The following ZNF415 variants were observed in gnomAD, a reference collection of about 807,000 sequenced individuals.
ZNF415 encodes zinc finger protein 415.
ZNF415 carries 5 observed loss-of-function variants against 7.3 expected under a neutral mutation model. The ratio of observed to expected loss-of-function variants is 0.69; its 90% CI spans 0.36 to 1.44. ZNF415 has a LOEUF of 1.44. Among genes scored for constraint, ZNF415 ranks in the 40% most tolerant of loss-of-function variants. ZNF415 has a pLI of 0.04. For missense variants in ZNF415, 628 were observed against 664.8 expected, an observed-to-expected ratio of 0.94 and a Z score of 0.61; for synonymous variants, 207 against 226.3, an observed-to-expected ratio of 0.91 and a Z score of 0.77.
At chr19:53,116,946 T>G (rs1371626789) in intron 2 of ZNF415, among the ~76,000 whole-genome samples, 3 of 152,172 alleles carry the variant, frequency 2.0e-5, no homozygotes, top group Admixed American at 6.5e-5. Context: ...GACCAAATAT[T>G]TGAATTTTTG....
In ZNF415 at chr19:53,108,173, C is replaced by T. The variant is rs2085663763; in HGVS notation, c.*204G>A. The T allele has an allele frequency of 1.7e-6, 1 of 593,372 alleles. No individual in the cohort carries two copies. Among genetic ancestry groups the T allele is most frequent in the Non-Finnish European group, 2.9e-6 (1 of 345,476 alleles). 36.8% of individuals were successfully genotyped at this position (593,372 alleles called of 1,614,324 possible). A position where few individuals can be genotyped will look rare whatever the true frequency, so the allele number is the denominator to read the frequency against. ...ATATGATTTCTCTTTAGCATGGACT[C>T]TGATGTCAATGAATGCTTGAACTTG... On this transcript the variant is annotated 3_prime_UTR_variant, in exon 4 of 4. Transcript: ENST00000243643.
intron 1 of ZNF415, among the ~76,000 whole-genome samples, chr19:53,127,976 C>T (rs112506309): frequency 1.8e-4 from 27 of 152,262 alleles, no homozygotes; most frequent in African/African-American, 6.3e-4. Context: ...CCATGTGCTA[C>T]AGCCAGACCT....
At chr19:53,122,310 CTA>C (rs758147701) in intron 2 of ZNF415, 55 of 1,267,834 alleles carry the variant, frequency 4.3e-5, no homozygotes, top group Non-Finnish European at 5.6e-5. Flanking sequence ...GGCAGCTTCT[CTA>C]TTCCTGGGCT....
At chr19:53,131,586 T>C (rs1340229137) in intron 1 of ZNF415, among the ~76,000 whole-genome samples, 6 of 152,014 alleles carry the variant, frequency 3.9e-5, no homozygotes, top group African/African-American at 1.2e-4. Flanking sequence ...CATTCTCACC[T>C]TCTTTCTCTA....
intron 1 of ZNF415, among the ~76,000 whole-genome samples, chr19:53,130,792 C>G (rs962721305): frequency 6.6e-6 from 1 of 151,946 alleles, no homozygotes; most frequent in Non-Finnish European, 1.5e-5. Context: ...ATTACAGATG[C>G]GTGTCACCAT....
Position 53,109,286 on chromosome 19 carries a change from A to G in ZNF415, c.759T>C (p.Phe253=), listed in dbSNP as rs2085865636. ...GACGCGCAAGGTTTGATTTTTGACT[A>G]AAGACCTTGCCACACAGATCACATT... ...GYKCDLCGKV[F]SQKSNLARHW... is the part of the protein sequence containing the mutation. Residue 253 remains phenylalanine (F), a synonymous_variant, in exon 4 of 4, where the codon TTT becomes TTC. Coordinates refer to ENST00000243643, the MANE Select transcript of ZNF415 (RefSeq NM_018355.4). 3 of 1,614,152 alleles carry G rather than the reference A, an allele frequency of 1.9e-6. No homozygotes were observed. Among genetic ancestry groups the G allele is most frequent in the Non-Finnish European group, 2.5e-6 (3 of 1,180,016 alleles).
intron 1 of ZNF415, among the ~76,000 whole-genome samples, chr19:53,123,265 G>A (rs530127819): frequency 6.6e-6 from 1 of 152,164 alleles, no homozygotes; most frequent in East Asian, 1.9e-4. Context: ...ACTCACATGT[G>A]GTCAGCCCAG....
chr19:53,124,550 A>G (rs1432327473), intron 1 of ZNF415, among the ~76,000 whole-genome samples: 1 of 152,172 alleles, frequency 6.6e-6, no homozygotes, highest in African/African-American at 2.4e-5. Context: ...TGGAAATCAC[A>G]TTTCAACATG....
At chr19:53,123,991 AC>A (rs2088593986) in intron 1 of ZNF415, 1 of 154,184 alleles carries the variant, frequency 6.5e-6, no homozygotes, top group Admixed American at 6.5e-5. Flanking sequence ...TAATCCCACC[AC>A]TTTGGGAGGC....
chr19:53,124,641 A>G (rs1463247094), intron 1 of ZNF415, among the ~76,000 whole-genome samples: 2 of 152,114 alleles, frequency 1.3e-5, no homozygotes, highest in African/African-American at 4.8e-5. Flanking sequence ...GTGGTACACA[A>G]TTGGAGGGTT....
chr19:53,113,472 A>C (rs1479105760), intron 3 of ZNF415, among the ~76,000 whole-genome samples: 1 of 22,592 alleles, frequency 4.4e-5, no homozygotes, highest in Non-Finnish European at 7.9e-5. Context: ...GCGCCACTGC[A>C]CTCCAGCCTG....
rs570341196 is a variant in ZNF415, at chr19:53,126,546, A to G, written c.-67-3803T>C. Among the ~76,000 whole-genome samples the G allele has an allele frequency of 3.1e-4, 42 of 136,598 alleles. 2 individuals carry two copies. The highest frequency in any genetic ancestry group is 1.1e-3 in the African/African-American group (42 of 39,936). 89.6% of individuals were successfully genotyped at this position (136,598 alleles called of 152,430 possible). ...GTGAGAGTCTGAACAGAGCAGCAGAAAGGCAGGCAGGAGACTTGAGGGAGG... is the reference window on the plus strand; with the variant it reads ...GTGAGAGTCTGAACAGAGCAGCAGAGAGGCAGGCAGGAGACTTGAGGGAGG... On this transcript the variant is annotated intron_variant, in intron 1 of 3. Transcript: ENST00000243643.
In ZNF415 at chr19:53,116,009, C is replaced by A. The variant is rs886186515; in HGVS notation, c.136+304G>T. ...CTGTAATATGCAAATATCTAGCTCC[C>A]TTCCAAGAACTACTGAATCAAAGCA... On this transcript the variant is annotated intron_variant, in intron 3 of 3. Coordinates refer to ENST00000243643, the MANE Select transcript of ZNF415 (RefSeq NM_018355.4). The A allele has an allele frequency of 4.9e-6, 3 of 614,264 alleles. No homozygotes were observed. The East Asian group carries it at 8.2e-5, about 17-fold the overall frequency. The allele number at this position is 614,264 out of a possible 1,614,324, so 38.1% of individuals were successfully genotyped here.
chr19:53,131,910 G>C (rs1408271755), intron 1 of ZNF415, among the ~76,000 whole-genome samples: 2 of 151,690 alleles, frequency 1.3e-5, no homozygotes, highest in East Asian at 3.9e-4. Flanking sequence ...GCTTCTCCTT[G>C]TCATCGGCTG....
At chr19:53,124,547 C>CCA (rs1335568991) in intron 1 of ZNF415, among the ~76,000 whole-genome samples, 1 of 152,158 alleles carries the variant, frequency 6.6e-6, no homozygotes. Flanking sequence ...CTTTGGAAAT[C>CCA]ACATTTCAAC....
intron 3 of ZNF415, among the ~76,000 whole-genome samples, chr19:53,113,105 A>AT (rs765651844): frequency 6.6e-6 from 1 of 150,660 alleles, no homozygotes; most frequent in Non-Finnish European, 1.5e-5. Context: ...AAAAAGTATC[A>AT]TAAAAAATAC....
chr19:53,108,668 C>T lies in ZNF415; in HGVS notation c.1377G>A (p.Gln459=), dbSNP rs201805879. The T allele has an allele frequency of 2.3e-5, 37 of 1,614,182 alleles. No individual in the cohort carries two copies. The highest frequency in any genetic ancestry group is 5.0e-5 in the Admixed American group (3 of 60,018). Residue 459 remains glutamine, a synonymous_variant, in exon 4 of 4, where the codon CAG becomes CAA. Transcript: ENST00000243643. ...FSVHSNLTTH[Q]VIHTGEKPYK... is the part of the protein sequence containing the mutation. ...AAGGCTTCTCTCCAGTATGGATGAC[C>T]TGATGGGTAGTTAAGTTCGAATGCA...
chr19:53,122,333 G>C (rs940067665), intron 2 of ZNF415: 1 of 1,446,750 alleles, frequency 6.9e-7, no homozygotes, highest in Non-Finnish European at 9.4e-7. Context: ...ACGGAGAGCC[G>C]ACAGTGCATC....
chr19:53,122,855 TG>T, intron 1 of ZNF415, 112 bp from the exon 2 acceptor site: 1 of 767,824 alleles, frequency 1.3e-6, no homozygotes, highest in Non-Finnish European at 2.1e-6. Context: ...GACGGTCCTC[TG>T]CCGCCCACTA....
Sources: gnomAD v4.1 joint callset for allele counts (sites outside exome capture counted in the v4.1 genomes callset) on GRCh38, gnomAD v4.1.1 for gene constraint, MANE v1.5 for transcripts, NCBI Gene and HGNC (gene_info 2026-07-23, HGNC 2026-07-21) for gene names.